Variants in THUMPD2 observed in about 807,000 individuals in gnomAD.
The protein encoded by THUMPD2 is THUMP domain 2 tRNA and snRNA guanosine methyltransferase.
THUMPD2 carries 56 observed loss-of-function variants against 49.4 expected under a neutral mutation model. That is an observed-to-expected ratio of 1.13 (90% confidence interval 0.91 to 1.41). The LOEUF (loss-of-function observed/expected upper bound fraction) is 1.41, where lower values mean the gene tolerates loss of function less well. THUMPD2 is among the 40% of genes most tolerant of loss of function. The pLI is 0.00. For synonymous variants in THUMPD2, 237 were observed against 205.2 expected, an observed-to-expected ratio of 1.15 and a Z score of -1.32; for missense variants, 709 against 594.5, an observed-to-expected ratio of 1.19 and a Z score of -2.00.
chr2:39,768,882 T>A, intron 3 of THUMPD2: 1 of 1,294,274 alleles, frequency 7.7e-7, no homozygotes, highest in African/African-American at 1.5e-5. Flanking sequence ...AATTATCAGA[T>A]TAGTATCATT....
In THUMPD2 at chr2:39,769,792, A is replaced by G. The variant is rs148940379; in HGVS notation, c.590T>C (p.Ile197Thr). 288 of 1,605,884 alleles carry G rather than the reference A, an allele frequency of 1.8e-4. 1 individual carries two copies. Among genetic ancestry groups the G allele is most frequent in the African/African-American group, 1.7e-3 (127 of 74,228 alleles). ...EEFQNDIEKA[I>T]DTHNQNDLTF... ...CAAGTCATTCTGATTATGAGTATCA[A>G]TTGCTTTCTCTATGTCATTCTGAAA... The change falls in exon 3 of 10, where the codon ATT becomes ACT. Residue 197 changes from isoleucine to threonine, a missense_variant. Physicochemically the swap from Ile to Thr is moderately conservative, Grantham distance 89. Transcript: ENST00000505747.
At chr2:39,775,990 T>C (rs985845613) in intron 1 of THUMPD2, among the ~76,000 whole-genome samples, 1 of 152,138 alleles carries the variant, frequency 6.6e-6, no homozygotes, top group Non-Finnish European at 1.5e-5. Context: ...TGTGAGTTTA[T>C]AAAGATCAAT....
chr2:39,748,600 A>C (rs1310473217), intron 8 of THUMPD2, among the ~76,000 whole-genome samples: 3 of 152,056 alleles, frequency 2.0e-5, no homozygotes, highest in African/African-American at 7.2e-5. Context: ...AAGCGGGAGA[A>C]TTGCTTGAAC....
chr2:39,760,633 A>C (rs1313908520), intron 6 of THUMPD2, among the ~76,000 whole-genome samples: 3 of 152,192 alleles, frequency 2.0e-5, no homozygotes, highest in African/African-American at 7.2e-5. Context: ...TTTGTAAAAA[A>C]TATGTAAAGT....
At chr2:39,767,923 A>G (rs1677773416) in intron 4 of THUMPD2, among the ~76,000 whole-genome samples, 2 of 152,074 alleles carry the variant, frequency 1.3e-5, no homozygotes, top group Admixed American at 6.5e-5. Flanking sequence ...ATAGCAAAGA[A>G]TATTTTTTGT....
chr2:39,766,955 T>C (rs564210638), intron 4 of THUMPD2, among the ~76,000 whole-genome samples: 1 of 152,352 alleles, frequency 6.6e-6, no homozygotes, highest in East Asian at 1.9e-4. Context: ...TTATTAGAAT[T>C]GTTTTCTATT....
chr2:39,760,707 G>T (rs955784159), intron 6 of THUMPD2, among the ~76,000 whole-genome samples: 6 of 152,148 alleles, frequency 3.9e-5, no homozygotes, highest in Middle Eastern at 3.4e-3. Context: ...GAAAATATTA[G>T]TAAGACAGTG....
Position 39,766,320 on chromosome 2 carries a change from C to G in THUMPD2, c.751-211G>C, listed in dbSNP as rs1047749332. ...TTTAAGTACATTTCATAGAAAAATT[C>G]TGAGGTCAATTTATTATATAGGAGA... is the stretch of plus-strand genomic sequence containing the variant. On this transcript the variant is annotated intron_variant, in intron 4 of 9. Transcript: ENST00000505747. The G allele has an allele frequency of 1.2e-4, 46 of 388,346 alleles. No homozygotes were observed. In the Admixed American group the frequency reaches 2.2e-3, roughly 19 times the overall value. 24.1% of individuals were successfully genotyped at this position (388,346 alleles called of 1,614,324 possible).
chr2:39,772,093 T>C (rs1198465931), intron 1 of THUMPD2, among the ~76,000 whole-genome samples: 2 of 152,166 alleles, frequency 1.3e-5, no homozygotes, highest in Non-Finnish European at 2.9e-5. Context: ...GTACACTAAG[T>C]AGCAATGACT....
chr2:39,761,268 G>C, intron 6 of THUMPD2, 63 bp downstream of exon 6: 1 of 1,389,006 alleles, frequency 7.2e-7, no homozygotes, highest in Non-Finnish European at 1.0e-6. Context: ...ATCAATAAGA[G>C]ACTGTATAAG....
intron 8 of THUMPD2, among the ~76,000 whole-genome samples, chr2:39,754,638 T>C (rs1003156690): frequency 3.2e-4 from 49 of 152,198 alleles, no homozygotes; most frequent in African/African-American, 1.1e-3. Context: ...GAATAGTTTT[T>C]AAAAATTGTC....
chr2:39,775,760 CAAAAAAAAAAAA>C (rs774580208), intron 1 of THUMPD2, among the ~76,000 whole-genome samples: 1,185 of 63,408 alleles, frequency 0.019, 15 homozygotes, highest in African/African-American at 0.071. Context: ...AACACTATGT[CAAAAAAAAAAAA>C]AAAAAAAAAA....
chr2:39,757,347 T>C (rs1183513175), intron 6 of THUMPD2: 1 of 1,286,224 alleles, frequency 7.8e-7, no homozygotes, highest in Admixed American at 2.3e-5. Flanking sequence ...ACAGCCAGGT[T>C]TCAGTCAGAG....
Position 39,766,075 on chromosome 2 carries a change from A to C in THUMPD2, c.785T>G (p.Val262Gly). 1 of 1,585,520 alleles carries C rather than the reference A, an allele frequency of 6.3e-7. No individual in the cohort carries two copies. The highest frequency in any genetic ancestry group is 8.5e-7 in the Non-Finnish European group (1 of 1,169,970). The change falls in exon 5 of 10, where the codon GTG becomes GGG. Residue 262 changes from valine (V) to glycine (G), a missense_variant. Physicochemically the swap from Val to Gly is moderately radical, Grantham distance 109 (BLOSUM62 -3). Transcript: ENST00000505747. ...TATCTACCTGAACACAGGAATCCCCACCACAGAGTAAATGTCATTTAGATG... is the reference window on the plus strand; with the variant it reads ...TATCTACCTGAACACAGGAATCCCCCCCACAGAGTAAATGTCATTTAGATG... The part of the protein sequence containing the change: ...FIHLNDIYSV[V>G]GIPVFRVSLA...
intron 8 of THUMPD2, among the ~76,000 whole-genome samples, chr2:39,750,807 T>C (rs1488024464): frequency 3.9e-5 from 6 of 152,246 alleles, no homozygotes; most frequent in Non-Finnish European, 8.8e-5. Context: ...GATATCGCCA[T>C]GGCCTTCACA....
intron 5 of THUMPD2, among the ~76,000 whole-genome samples, chr2:39,765,649 C>T (rs563217477): frequency 3.6e-4 from 55 of 151,890 alleles, no homozygotes; most frequent in African/African-American, 1.3e-3. Flanking sequence ...TCCATCTTTT[C>T]GTTTTCTCCA....
At chr2:39,741,947 A>C (rs552954232) in intron 9 of THUMPD2, among the ~76,000 whole-genome samples, 4 of 152,302 alleles carry the variant, frequency 2.6e-5, no homozygotes, top group African/African-American at 9.6e-5. Context: ...CTAAAAAATC[A>C]GGTAAGTGAT....
At chr2:39,755,558 C>G (rs6544242) in intron 7 of THUMPD2, 149 bp from the exon 8 acceptor site, 290,393 of 553,150 alleles carry the variant, frequency 0.52, 79,907 homozygotes, top group East Asian at 0.74. Context: ...CTTTTAAAAT[C>G]ATAGTAGCAA....
At position 39,770,062 on chromosome 2, in the gene THUMPD2, T is replaced by A; in HGVS notation, c.320A>T (p.Asn107Ile). 6.4e-7 allele frequency: 1 copy of A among 1,558,144 alleles called. No individual in the cohort carries two copies. Residue 107 changes from asparagine to isoleucine, a missense_variant, in exon 3 of 10, where the codon AAT (asparagine) becomes ATT (isoleucine). By Grantham distance (149) the Asn-to-Ile change is moderately radical (BLOSUM62 -3). Transcript: ENST00000505747. ...AAGATTTTTCCAAATTGAAATGGCA[T>A]TCAACCAACTTCCTGGATCTTCATT... ...LINEDPGSWLNAISIWKNLLE... is the reference protein window; with the variant it reads ...LINEDPGSWLIAISIWKNLLE...
Sources: allele counts gnomAD v4.1 joint callset (sites outside exome capture counted in the v4.1 genomes callset), GRCh38; gene constraint gnomAD v4.1.1; transcripts MANE v1.5; gene names NCBI Gene and HGNC (gene_info 2026-07-23, HGNC 2026-07-21).